Variants in PDE11A observed in about 807,000 individuals in gnomAD.
PDE11A encodes dual 3',5'-cyclic-AMP and -GMP phosphodiesterase 11A.
Under a neutral mutation model 100.5 loss-of-function variants are expected in PDE11A, and 100 were observed. The ratio of observed to expected loss-of-function variants is 1.00; its 90% CI spans 0.85 to 1.18. The LOEUF is 1.18. Ranked by LOEUF, PDE11A falls within the 50% of genes most tolerant of loss-of-function variation. The probability of loss-of-function intolerance (pLI) is 0.00; values close to 1 mark genes in which losing one functional copy is unlikely to be tolerated. For synonymous variants in PDE11A, 381 were observed against 420.8 expected, an observed-to-expected ratio of 0.91 and a Z score of 1.16; for missense variants, 1,141 against 1,152.6, an observed-to-expected ratio of 0.99 and a Z score of 0.15.
Position 177,728,069 on chromosome 2 carries a change from A to G in PDE11A, c.1892T>C (p.Phe631Ser), listed in dbSNP as rs1373617134. The G allele has an allele frequency of 1.2e-6, 2 of 1,613,270 alleles. No individual in the cohort carries two copies. Among genetic ancestry groups the G allele is most frequent in the Admixed American group, 1.7e-5 (1 of 59,948 alleles). The change falls in exon 11 of 20, where the codon TTC (phenylalanine) becomes TCC (serine). Residue 631 changes from phenylalanine to serine, a missense_variant. Phe to Ser is a radical substitution (Grantham distance 155). Coordinates refer to ENST00000286063, the MANE Select transcript of PDE11A (RefSeq NM_016953.4). ...DAMITAALRM[F>S]MELGMVQKFK... ...TTTCTGTACCATCCCCAGCTCCATG[A>G]ACATCCGGAGAGCAGCTGTGATCAT...
intron 19 of PDE11A, among the ~76,000 whole-genome samples, chr2:177,643,733 C>T (rs1328675661): frequency 6.6e-6 from 1 of 152,236 alleles, no homozygotes; most frequent in South Asian, 2.1e-4. Flanking sequence ...AGCAGCCCCT[C>T]CCATCACAGG....
In PDE11A at chr2:177,865,991, T is replaced by C. The variant is rs555644620; in HGVS notation, c.1367+9868A>G. ...CACTGAATTGAACACCTTAAAATGT[T>C]GATTTTGTGGTATATGAATTACATC... On this transcript the variant is annotated intron_variant, in intron 5 of 19. Transcript: ENST00000286063. 2.6e-5 allele frequency among the ~76,000 whole-genome samples: 4 copies of C among 152,252 alleles called. No homozygotes were observed. The East Asian group carries it at 7.7e-4, about 29-fold the overall frequency.
At chr2:178,065,940 G>A (rs1295256602) in intron 1 of PDE11A, among the ~76,000 whole-genome samples, 1 of 151,468 alleles carries the variant, frequency 6.6e-6, no homozygotes, top group Non-Finnish European at 1.5e-5. Flanking sequence ...ACTAAATATT[G>A]TTATTCATAT....
chr2:177,817,859 T>G lies in PDE11A; in HGVS notation c.1643A>C (p.Glu548Ala). 1 of 1,457,876 alleles carries G rather than the reference T, an allele frequency of 6.9e-7. No homozygotes were observed. Among genetic ancestry groups the G allele is most frequent in the African/African-American group, 1.4e-5 (1 of 70,148 alleles). The allele number at this position is 1,457,876 out of a possible 1,614,324, so 90.3% of individuals were successfully genotyped here. Residue 548 changes from glutamate to alanine, a missense_variant and splice_region_variant, in exon 8 of 20, where the codon GAG becomes GCG. Physicochemically the swap from Glu to Ala is moderately radical, Grantham distance 107. Coordinates refer to ENST00000286063, the MANE Select transcript of PDE11A (RefSeq NM_016953.4). ...TGGTTTATAAATTTATTTTCTTACC[T>G]CAAAAAGTCGTTGATCTGCATCATC... is the stretch of plus-strand genomic sequence containing the variant. ...PFDDADQRLFEAFVIFCGLGI... is the reference protein window; with the variant it reads ...PFDDADQRLFAAFVIFCGLGI...
Position 177,699,553 on chromosome 2 carries a change from C to T in PDE11A, c.2244+1568G>A, listed in dbSNP as rs945706095. Reference sequence around the variant, plus strand: ...CGTTATGTGCCTTAACGTTTTGGTCCCTGAAGTAGATTTGAGTCTCCCTGA... The same window carrying T: ...CGTTATGTGCCTTAACGTTTTGGTCTCTGAAGTAGATTTGAGTCTCCCTGA... On this transcript the variant is annotated intron_variant, in intron 14 of 19. Transcript: ENST00000286063. Among the ~76,000 whole-genome samples the T allele has an allele frequency of 3.3e-5, 5 of 152,078 alleles. No homozygotes were observed. In the South Asian group the frequency reaches 6.2e-4, roughly 19 times the overall value.
intron 2 of PDE11A, among the ~76,000 whole-genome samples, chr2:177,980,759 A>G (rs1178984632): frequency 6.6e-6 from 1 of 150,712 alleles, no homozygotes; most frequent in Non-Finnish European, 1.5e-5. Flanking sequence ...GAAAAGGCCA[A>G]TAAGGCTATA....
At chr2:177,904,036 G>T (rs544455399) in intron 3 of PDE11A, among the ~76,000 whole-genome samples, 1 of 152,268 alleles carries the variant, frequency 6.6e-6, no homozygotes, top group African/African-American at 2.4e-5. Context: ...ATAATAATTA[G>T]CAAATGAAAT....
chr2:177,715,104 T>C (rs1358112823), intron 12 of PDE11A, among the ~76,000 whole-genome samples: 1 of 152,236 alleles, frequency 6.6e-6, no homozygotes, highest in Non-Finnish European at 1.5e-5. Context: ...TTTTAAACAC[T>C]GGAGGAGTTG....
chr2:177,787,006 G>A (rs2082547029), intron 9 of PDE11A, among the ~76,000 whole-genome samples: 1 of 145,134 alleles, frequency 6.9e-6, no homozygotes, highest in African/African-American at 2.6e-5. Context: ...TAGCAAGGCA[G>A]GCCAACATTC....
At chr2:177,631,089 T>G (rs2079911124) in intron 19 of PDE11A, among the ~76,000 whole-genome samples, 1 of 151,218 alleles carries the variant, frequency 6.6e-6, no homozygotes, top group South Asian at 2.1e-4. Context: ...ACTCAAGAGA[T>G]AGACACTACT....
intron 9 of PDE11A, among the ~76,000 whole-genome samples, chr2:177,814,177 A>C (rs1253040553): frequency 6.6e-6 from 1 of 152,150 alleles, no homozygotes; most frequent in East Asian, 1.9e-4. Context: ...CAAATCTTTT[A>C]TGGGACTAAG....
intron 2 of PDE11A, among the ~76,000 whole-genome samples, chr2:178,087,851 T>C (rs1489924139): frequency 3.3e-5 from 5 of 152,178 alleles, no homozygotes; most frequent in Non-Finnish European, 5.9e-5. Context: ...GAAGGGAAGG[T>C]GTCCCACTCC....
At chr2:178,010,487 A>G (rs996444925) in intron 2 of PDE11A, among the ~76,000 whole-genome samples, 12 of 152,170 alleles carry the variant, frequency 7.9e-5, no homozygotes, top group Non-Finnish European at 1.6e-4. Flanking sequence ...ATATTTCCAA[A>G]AGCTATCTAT....
intron 9 of PDE11A, among the ~76,000 whole-genome samples, chr2:177,814,696 T>G (rs1477485480): frequency 3.3e-5 from 5 of 152,212 alleles, no homozygotes; most frequent in African/African-American, 1.2e-4. Flanking sequence ...ATAATTTTTG[T>G]GTCTAAGGAC....
intron 5 of PDE11A, among the ~76,000 whole-genome samples, chr2:177,848,222 A>T: frequency 6.6e-6 from 1 of 152,178 alleles, no homozygotes; most frequent in South Asian, 2.1e-4. Flanking sequence ...CACTATTTTG[A>T]TCCCTACAGT....
intron 3 of PDE11A, among the ~76,000 whole-genome samples, chr2:177,901,925 A>G (rs2084703831): frequency 6.6e-6 from 1 of 152,242 alleles, no homozygotes; most frequent in South Asian, 2.1e-4. Context: ...TGAGTCTTGC[A>G]CTGACAAATC....
Position 177,697,411 on chromosome 2 carries a change from G to A in PDE11A, c.2266C>T (p.Leu756=), listed in dbSNP as rs746554475. The A allele has an allele frequency of 4.9e-5, 77 of 1,580,624 alleles. 3 individuals are homozygous for A. The Middle Eastern group carries it at 8.3e-3, about 171-fold the overall frequency. The change falls in exon 15 of 20, where the codon CTG becomes TTG. Residue 756 remains leucine, a synonymous_variant. Transcript: ENST00000286063. ...QSEGHNIFAN[L]SSKEYSDLMQ... ...AGGTCACTATATTCCTTGGAGGACA[G>A]GTTAGCAAAGATATTGTGACCCTGT...
chr2:178,059,393 C>T (rs2086939298), intron 1 of PDE11A, among the ~76,000 whole-genome samples: 1 of 152,174 alleles, frequency 6.6e-6, no homozygotes, highest in South Asian at 2.1e-4. Flanking sequence ...TTCCTGCCCA[C>T]CCCTGATCCA....
intron 2 of PDE11A, among the ~76,000 whole-genome samples, chr2:177,921,360 A>G (rs10194612): frequency 0.086 from 12,999 of 151,734 alleles, 531 homozygotes; most frequent in South Asian, 0.099. Context: ...TGCATAATAC[A>G]TACAACTTTA....
Sources: gnomAD v4.1 joint callset for allele counts (sites outside exome capture counted in the v4.1 genomes callset) on GRCh38, gnomAD v4.1.1 for gene constraint, MANE v1.5 for transcripts, NCBI Gene and HGNC (gene_info 2026-07-23, HGNC 2026-07-21) for gene names.